The following GALNT14 variants were observed in gnomAD, a reference collection of about 807,000 sequenced individuals.
GALNT14 encodes polypeptide N-acetylgalactosaminyltransferase 14.
GALNT14 carries 60 observed loss-of-function variants against 77.5 expected under a neutral mutation model. The ratio of observed to expected loss-of-function variants is 0.77; its 90% CI spans 0.63 to 0.96. The LOEUF (loss-of-function observed/expected upper bound fraction) is 0.96, where lower values mean the gene tolerates loss of function less well. GALNT14 is among the 40% of genes least tolerant of loss of function. The probability of loss-of-function intolerance (pLI) is 0.00; values close to 1 mark genes in which losing one functional copy is unlikely to be tolerated. For synonymous variants in GALNT14, 280 were observed against 281.7 expected (o/e 0.99, Z 0.06); for missense variants, 710 against 731.0 (o/e 0.97, Z 0.33).
chr2:30,916,086 A>G (rs1558399873), intron 13 of GALNT14, among the ~76,000 whole-genome samples: 1 of 152,184 alleles, frequency 6.6e-6, no homozygotes, highest in Non-Finnish European at 1.5e-5. Context: ...GATAAGAGTA[A>G]TCACCCCAGC....
At chr2:30,995,621 T>C (rs1669982994) in intron 1 of GALNT14, among the ~76,000 whole-genome samples, 2 of 152,168 alleles carry the variant, frequency 1.3e-5, no homozygotes, top group South Asian at 4.1e-4. Context: ...AGCTCCCAAG[T>C]AGCTGGGATC....
intron 2 of GALNT14, among the ~76,000 whole-genome samples, chr2:30,989,596 T>TA (rs1669547831): frequency 1.0e-5 from 1 of 96,778 alleles, no homozygotes; most frequent in Non-Finnish European, 2.1e-5. Flanking sequence ...ATATATATAT[T>TA]AGTAGATATA....
chr2:31,095,485 T>C (rs10490519), intron 1 of GALNT14, among the ~76,000 whole-genome samples: 66,693 of 151,856 alleles, frequency 0.44, 15,065 homozygotes, highest in Middle Eastern at 0.49. Flanking sequence ...CTGTCTTGAC[T>C]TTCTACTTTT....
intron 1 of GALNT14, among the ~76,000 whole-genome samples, chr2:31,062,451 C>A (rs948882000): frequency 2.0e-5 from 3 of 152,134 alleles, no homozygotes; most frequent in Non-Finnish European, 4.4e-5. Context: ...TTTCTTTATC[C>A]AGTCTATCAT....
rs189686271 is a variant in GALNT14 at position 31,089,852 on chromosome 2, G to T, written c.129+48106C>A. On this transcript the variant is annotated intron_variant, in intron 1 of 14. Coordinates refer to ENST00000349752, the MANE Select transcript of GALNT14 (RefSeq NM_024572.4). ...AGACCTTGTTTATACCTGAAAGACAGCAGAGGGAGCTTGTTCTCAAAGGCC... is the reference window on the plus strand; with the variant it reads ...AGACCTTGTTTATACCTGAAAGACATCAGAGGGAGCTTGTTCTCAAAGGCC... Among the ~76,000 whole-genome samples, 285 of 152,290 alleles carry T rather than the reference G, an allele frequency of 1.9e-3. 4 individuals are homozygous for T. The highest frequency in any genetic ancestry group is 6.5e-3 in the African/African-American group (271 of 41,578).
intron 1 of GALNT14, among the ~76,000 whole-genome samples, chr2:31,127,140 A>T (rs1027975186): frequency 6.6e-6 from 1 of 152,186 alleles, no homozygotes; most frequent in African/African-American, 2.4e-5. Context: ...CAGCCCCCCA[A>T]TCAAGAAACT....
chr2:30,925,975 T>C (rs1296716395), intron 11 of GALNT14, among the ~76,000 whole-genome samples: 1 of 152,176 alleles, frequency 6.6e-6, no homozygotes, highest in Non-Finnish European at 1.5e-5. Context: ...TCCACACCTC[T>C]CGGCACCCAC....
At chr2:31,022,352 G>T (rs1470355397) in intron 1 of GALNT14, among the ~76,000 whole-genome samples, 1 of 152,192 alleles carries the variant, frequency 6.6e-6, no homozygotes. Flanking sequence ...GTGGGATGCT[G>T]GGCCCTATCT....
At chr2:30,892,274 C>A in the GALNT14 span, among the ~76,000 whole-genome samples, 1 of 152,020 alleles carries the variant, frequency 6.6e-6, no homozygotes, top group Non-Finnish European at 1.5e-5. Context: ...GGGAAAGATG[C>A]CATCTAACAA....
At chr2:31,030,494 T>C (rs1341694852) in intron 1 of GALNT14, among the ~76,000 whole-genome samples, 1 of 151,842 alleles carries the variant, frequency 6.6e-6, no homozygotes, top group Non-Finnish European at 1.5e-5. Context: ...TTAAGAAAAA[T>C]ATAGGAATTG....
intron 1 of GALNT14, among the ~76,000 whole-genome samples, chr2:31,130,775 T>TGC (rs1678943051): frequency 1.4e-5 from 2 of 139,132 alleles, no homozygotes; most frequent in Admixed American, 7.0e-5. Context: ...TGTGTGTGTG[T>TGC]GTGTGTGTGC....
the GALNT14 span, among the ~76,000 whole-genome samples, chr2:30,894,596 G>A: frequency 2.6e-5 from 4 of 152,238 alleles, no homozygotes; most frequent in African/African-American, 9.6e-5. Flanking sequence ...CCCAGCAGCT[G>A]AAGGGATGAA....
At chr2:30,997,990 T>A (rs989258161) in intron 1 of GALNT14, among the ~76,000 whole-genome samples, 1 of 152,092 alleles carries the variant, frequency 6.6e-6, no homozygotes, top group African/African-American at 2.4e-5. Context: ...TGAGTTTGAC[T>A]TTTTTTAGGC....
chr2:31,073,291 T>C (rs1675536994), intron 1 of GALNT14: 1 of 152,216 alleles, frequency 6.6e-6, no homozygotes, highest in Non-Finnish European at 1.5e-5. Context: ...ACATGTTAGT[T>C]ATAGACATGA....
In GALNT14 at chr2:30,924,159, C is replaced by T. The variant is rs1057365541; in HGVS notation, c.1340G>A (p.Ser447Asn). Reference protein sequence around the residue: ...NNQETPNLKLSPCAKVKGEDA... With the variant: ...NNQETPNLKLNPCAKVKGEDA... Reference sequence around the variant, plus strand: ...TTCGCCTTTGACCTTGGCACAGGGGCTCAACTTTAGGTTTGGGGTTTCTTG... The same window carrying T: ...TTCGCCTTTGACCTTGGCACAGGGGTTCAACTTTAGGTTTGGGGTTTCTTG... Residue 447 changes from serine (S) to asparagine (N), a missense_variant, in exon 13 of 15, where the codon AGC becomes AAC. By Grantham distance (46) the Ser-to-Asn change is conservative. Coordinates refer to ENST00000349752, the MANE Select transcript of GALNT14 (RefSeq NM_024572.4). 3.1e-6 allele frequency: 5 copies of T among 1,614,104 alleles called. No individual in the cohort carries two copies. In the African/African-American group the frequency reaches 5.3e-5, roughly 17 times the overall value.
intron 1 of GALNT14, among the ~76,000 whole-genome samples, chr2:31,036,304 G>A (rs944570192): frequency 6.6e-6 from 1 of 151,738 alleles, no homozygotes; most frequent in Middle Eastern, 3.2e-3. Flanking sequence ...TATTTTCTTA[G>A]TAGTTCCCTG....
intron 1 of GALNT14, among the ~76,000 whole-genome samples, chr2:30,997,675 G>A (rs759181412): frequency 4.6e-5 from 7 of 152,168 alleles, no homozygotes; most frequent in South Asian, 4.1e-4. Flanking sequence ...AAACACAAAC[G>A]TTATCCCGTT....
At chr2:31,023,781 C>T (rs1671876127) in intron 1 of GALNT14, among the ~76,000 whole-genome samples, 2 of 152,076 alleles carry the variant, frequency 1.3e-5, no homozygotes, top group African/African-American at 4.8e-5. Context: ...TCCTGCTTTC[C>T]CTCCCACCTC....
chr2:31,039,054 T>A (rs886571600), intron 1 of GALNT14, among the ~76,000 whole-genome samples: 11 of 152,214 alleles, frequency 7.2e-5, no homozygotes, highest in Non-Finnish European at 1.5e-4. Flanking sequence ...AATTCAGCCA[T>A]CTTTCTTAAA....
Sources: gnomAD v4.1 joint callset for allele counts (sites outside exome capture counted in the v4.1 genomes callset) on GRCh38, gnomAD v4.1.1 for gene constraint, MANE v1.5 for transcripts, NCBI Gene and HGNC (gene_info 2026-07-23, HGNC 2026-07-21) for gene names.